The following LINGO2 variants were observed in gnomAD, a reference collection of about 807,000 sequenced individuals.
LINGO2 encodes the protein leucine rich repeat and Ig domain containing 2, also known as leucine-rich repeat and immunoglobulin-like domain-containing nogo receptor-interacting protein 2.
LINGO2 carries 14 observed loss-of-function variants against 30.6 expected under a neutral mutation model. The ratio of observed to expected loss-of-function variants is 0.46; its 90% CI spans 0.30 to 0.72. LINGO2 has a LOEUF of 0.72. Ranked by LOEUF, LINGO2 falls within the 30% of genes least tolerant of loss-of-function variation. The pLI, the probability that LINGO2 is intolerant of heterozygous loss-of-function variation, is 0.07. For missense variants in LINGO2, 729 were observed against 751.7 expected (o/e 0.97, Z 0.35); for synonymous variants, 317 against 288.5 (o/e 1.10, Z -1.00).
chr9:29,170,665 A>G, the LINGO2 span, among the ~76,000 whole-genome samples: 1 of 152,172 alleles, frequency 6.6e-6, no homozygotes, highest in African/African-American at 2.4e-5. Flanking sequence ...ACTAGAAATC[A>G]TATTTGTCAC....
intron 4 of LINGO2, among the ~76,000 whole-genome samples, chr9:28,188,028 C>T (rs1235730040): frequency 1.3e-5 from 2 of 152,124 alleles, no homozygotes. Context: ...TAATTAGTTG[C>T]TCTTTAGAAT....
chr9:28,341,719 G>C (rs1034917071), intron 3 of LINGO2, among the ~76,000 whole-genome samples: 4 of 152,098 alleles, frequency 2.6e-5, no homozygotes, highest in African/African-American at 7.2e-5. Context: ...GAACCATATA[G>C]CGTGTGTTTC....
At chr9:27,939,637 C>A in the LINGO2 span, 1 of 152,168 alleles carries the variant, frequency 6.6e-6, no homozygotes, top group African/African-American at 2.4e-5. Flanking sequence ...TTTGTGTGTG[C>A]AGGTTTGAAG....
At chr9:28,267,960 G>A (rs774324257) in intron 4 of LINGO2, among the ~76,000 whole-genome samples, 14 of 151,932 alleles carry the variant, frequency 9.2e-5, no homozygotes, top group Non-Finnish European at 1.6e-4. Flanking sequence ...AATTGGTATC[G>A]ATTCATAGAC....
intron 2 of LINGO2, among the ~76,000 whole-genome samples, chr9:28,396,699 A>G (rs1231121489): frequency 3.5e-5 from 5 of 141,812 alleles, no homozygotes; most frequent in Non-Finnish European, 4.6e-5. Flanking sequence ...GCGAGACTCC[A>G]TCTCAAAAAA....
chr9:28,712,048 G>C, the LINGO2 span, among the ~76,000 whole-genome samples: 1 of 151,940 alleles, frequency 6.6e-6, no homozygotes, highest in African/African-American at 2.4e-5. Flanking sequence ...AGCAAGTCCA[G>C]CAATTATATA....
chr9:28,633,931 T>A (rs980200742), intron 1 of LINGO2, among the ~76,000 whole-genome samples: 3 of 152,176 alleles, frequency 2.0e-5, no homozygotes, highest in African/African-American at 7.2e-5. Flanking sequence ...AGAGAGGACA[T>A]ATTTTAAGCC....
the LINGO2 span, among the ~76,000 whole-genome samples, chr9:29,025,425 T>C: frequency 6.6e-6 from 1 of 152,136 alleles, no homozygotes; most frequent in Non-Finnish European, 1.5e-5. Context: ...AAAGTCACGA[T>C]TGATGAGGTT....
chr9:28,877,230 T>C, the LINGO2 span, among the ~76,000 whole-genome samples: 3 of 152,086 alleles, frequency 2.0e-5, no homozygotes, highest in African/African-American at 4.8e-5. Flanking sequence ...TAGTTTCTTT[T>C]GCTGTGCAGA....
chr9:28,413,147 T>A (rs1057151014), intron 2 of LINGO2, among the ~76,000 whole-genome samples: 4 of 152,276 alleles, frequency 2.6e-5, no homozygotes, highest in Non-Finnish European at 5.9e-5. Flanking sequence ...GCCTTCCAGA[T>A]AACAGTGGGC....
chr9:28,972,835 T>C, the LINGO2 span, among the ~76,000 whole-genome samples: 4,895 of 152,186 alleles, frequency 0.032, 276 homozygotes, highest in African/African-American at 0.11. Context: ...CATCAGATCT[T>C]GTGAGACTTA....
intron 4 of LINGO2, chr9:28,080,777 A>G (rs12551724): frequency 0.18 from 27,378 of 152,144 alleles, 3,001 homozygotes; most frequent in Non-Finnish European, 0.22. Flanking sequence ...TAGTGAAGAG[A>G]GGTCTAAAGT....
At chr9:28,922,087 C>T in the LINGO2 span, among the ~76,000 whole-genome samples, 2 of 152,118 alleles carry the variant, frequency 1.3e-5, no homozygotes, top group African/African-American at 2.4e-5. Flanking sequence ...CTTATGGTTT[C>T]CCTATACACT....
chr9:28,258,540 C>T (rs1441001781), intron 4 of LINGO2, among the ~76,000 whole-genome samples: 4 of 151,926 alleles, frequency 2.6e-5, no homozygotes. Context: ...TTATGCTGCT[C>T]TTCCTGTAAT....
At chr9:28,626,825 A>AGC (rs199772478) in intron 1 of LINGO2, among the ~76,000 whole-genome samples, 2 of 149,916 alleles carry the variant, frequency 1.3e-5, no homozygotes, top group African/African-American at 4.9e-5. Flanking sequence ...TAAAAATTCT[A>AGC]TTGTGTGTGT....
the LINGO2 span, among the ~76,000 whole-genome samples, chr9:28,740,209 C>T: frequency 6.6e-6 from 1 of 151,386 alleles, no homozygotes; most frequent in South Asian, 2.1e-4. Flanking sequence ...CATGTGCTCT[C>T]CAATAAATAT....
chr9:27,966,713 C>T (rs10812710), intron 5 of LINGO2, among the ~76,000 whole-genome samples: 27,997 of 151,874 alleles, frequency 0.18, 6,388 homozygotes, highest in African/African-American at 0.53. Flanking sequence ...GTTCAGCACA[C>T]GTATCCCAGA....
rs146211487 is a variant in LINGO2, at chr9:28,221,717, A to G, written c.-87+73491T>C. On this transcript the variant is annotated intron_variant, in intron 4 of 5. Coordinates refer to ENST00000379992, the Ensembl canonical transcript of LINGO2. Reference sequence around the variant, plus strand: ...GCTTTACTTTTACAACATATAAAAGATGAAGAAATGCTCTGAGTAGATCCC... The same window carrying G: ...GCTTTACTTTTACAACATATAAAAGGTGAAGAAATGCTCTGAGTAGATCCC... Among the ~76,000 whole-genome samples the G allele has an allele frequency of 1.1e-3, 162 of 152,342 alleles. 1 individual carries two copies. Among genetic ancestry groups the G allele is most frequent in the African/African-American group, 3.8e-3 (156 of 41,570 alleles).
At position 28,048,628 on chromosome 9, in the gene LINGO2, C is replaced by G. The variant is rs1824530568; in HGVS notation, c.-86-36223G>C. Among the ~76,000 whole-genome samples, 2 of 150,624 alleles carry G rather than the reference C, an allele frequency of 1.3e-5. 1 individual carries two copies. Among genetic ancestry groups the G allele is most frequent in the African/African-American group, 4.9e-5 (2 of 40,758 alleles). ...TATAGACTGATTCGGTAATTTTATT[C>G]TCTAGAATTTCTAATTATTCAACAA... is the stretch of plus-strand genomic sequence containing the variant. On this transcript the variant is annotated intron_variant, in intron 4 of 5. Coordinates refer to ENST00000379992, the Ensembl canonical transcript of LINGO2.
Sources: gnomAD v4.1 joint callset for allele counts (sites outside exome capture counted in the v4.1 genomes callset) on GRCh38, gnomAD v4.1.1 for gene constraint, MANE v1.5 for transcripts, NCBI Gene and HGNC (gene_info 2026-07-23, HGNC 2026-07-21) for gene names.